Variants in CENPA observed in about 807,000 individuals in gnomAD.
CENPA encodes the protein centromere protein A, also known as histone H3-like centromeric protein A.
A neutral mutation model predicts 17.2 loss-of-function variants in CENPA; 7 were observed. That is an observed-to-expected ratio of 0.41 (90% CI 0.23 to 0.76). CENPA has a LOEUF of 0.76. CENPA is among the 30% of genes least tolerant of loss of function. CENPA has a pLI of 0.34. For missense variants in CENPA, 149 were observed against 193.1 expected, an observed-to-expected ratio of 0.77 and a Z score of 1.35; for synonymous variants, 82 against 77.4, an observed-to-expected ratio of 1.06 and a Z score of -0.31.
At position 26,786,185 on chromosome 2, in the gene CENPA, C is replaced by T. The variant is rs1558297633; in HGVS notation, c.-12C>T. ...CCGTGGGACCGGGCGCCAGCACCCT[C>T]TGCGGCGTGTCATGGGCCCGCGCCG... On this transcript the variant is annotated 5_prime_UTR_variant, in exon 1 of 5. Transcript: ENST00000335756. 6.9e-7 allele frequency: 1 copy of T among 1,444,420 alleles called. No homozygotes were observed. Among genetic ancestry groups the T allele is most frequent in the Non-Finnish European group, 9.0e-7 (1 of 1,105,446 alleles). The allele number at this position is 1,444,420 out of a possible 1,614,324, so 89.5% of individuals were successfully genotyped here.
At chr2:26,792,418 G>T in intron 2 of CENPA, 178 bp downstream of exon 2, 1 of 701,406 alleles carries the variant, frequency 1.4e-6, no homozygotes, top group Non-Finnish European at 2.6e-6. Context: ...ATTCTTTATG[G>T]AATTGATTTC....
intron 1 of CENPA, among the ~76,000 whole-genome samples, chr2:26,787,090 G>C (rs747755031): frequency 8.5e-5 from 13 of 152,252 alleles, no homozygotes; most frequent in Non-Finnish European, 1.8e-4. Context: ...GCTTTTTGTA[G>C]AGACTGGGTC....
intron 1 of CENPA, among the ~76,000 whole-genome samples, chr2:26,789,850 A>C (rs1664583648): frequency 6.6e-6 from 1 of 151,978 alleles, no homozygotes; most frequent in Admixed American, 6.6e-5. Flanking sequence ...AGAGCCTCCT[A>C]ATCAGCTGCC....
intron 1 of CENPA, among the ~76,000 whole-genome samples, chr2:26,789,855 G>A (rs573380740): frequency 2.6e-5 from 4 of 152,026 alleles, no homozygotes; most frequent in Non-Finnish European, 1.5e-5. Flanking sequence ...CTCCTAATCA[G>A]CTGCCACTCC....
intron 1 of CENPA, among the ~76,000 whole-genome samples, chr2:26,791,653 T>C (rs1413879480): frequency 6.6e-6 from 1 of 152,070 alleles, no homozygotes; most frequent in Non-Finnish European, 1.5e-5. Context: ...TCAGATTCTT[T>C]CCAGCTGTAA....
rs1664672968 is a variant in CENPA, at chr2:26,794,194, A to G, written c.*430A>G. The G allele has an allele frequency of 6.6e-6, 1 of 152,252 alleles. No individual in the cohort carries two copies. The highest frequency in any genetic ancestry group is 1.5e-5 in the Non-Finnish European group (1 of 68,042). 9.4% of individuals were successfully genotyped at this position (152,252 alleles called of 1,614,324 possible). Reference sequence around the variant, plus strand: ...ATATGTACATTTGTACTTTTATTTTACACATAAGGGAAAAAATAAGACCAC... The same window carrying G: ...ATATGTACATTTGTACTTTTATTTTGCACATAAGGGAAAAAATAAGACCAC... On this transcript the variant is annotated 3_prime_UTR_variant, in exon 5 of 5. Coordinates refer to ENST00000335756, the MANE Select transcript of CENPA (RefSeq NM_001809.4).
intron 4 of CENPA, 22 bp downstream of exon 4, chr2:26,793,348 G>C: frequency 6.4e-7 from 1 of 1,567,290 alleles, no homozygotes; most frequent in Non-Finnish European, 8.6e-7. Flanking sequence ...CTCTTTCACA[G>C]GACTGGGGCT....
chr2:26,794,500 A>G lies in CENPA; in HGVS notation c.*736A>G, dbSNP rs1664679240. On this transcript the variant is annotated 3_prime_UTR_variant, in exon 5 of 5. Coordinates refer to ENST00000335756, the MANE Select transcript of CENPA (RefSeq NM_001809.4). ...CATAGAAGATGTATCATAACAGTTC[A>G]GAATTTTAAAGTACATTTTCGATGC... 5 of 152,368 alleles carry G rather than the reference A, an allele frequency of 3.3e-5. No homozygotes were observed. In the South Asian group the frequency reaches 1.0e-3, roughly 32 times the overall value. 9.4% of individuals were successfully genotyped at this position (152,368 alleles called of 1,614,324 possible).
At chr2:26,789,931 A>G (rs1664584802) in intron 1 of CENPA, among the ~76,000 whole-genome samples, 1 of 152,126 alleles carries the variant, frequency 6.6e-6, no homozygotes, top group South Asian at 2.1e-4. Flanking sequence ...CCACATCTCT[A>G]TCCTGCATAA....
rs758437466 is a variant in CENPA at position 26,786,152 on chromosome 2, A to C, written c.-45A>C. 10 of 1,394,430 alleles carry C rather than the reference A, an allele frequency of 7.2e-6. No homozygotes were observed. The South Asian group carries it at 1.5e-4, about 21-fold the overall frequency. 86.4% of individuals were successfully genotyped at this position (1,394,430 alleles called of 1,614,324 possible). A position where few individuals can be genotyped will look rare whatever the true frequency, so the allele number is the denominator to read the frequency against. ...TTTCGCTCCCGGACCCGGCAGCCCG[A>C]GCAGGAGCCGTGGGACCGGGCGCCA... is the stretch of plus-strand genomic sequence containing the variant. On this transcript the variant is annotated 5_prime_UTR_variant, in exon 1 of 5. Coordinates refer to ENST00000335756, the MANE Select transcript of CENPA (RefSeq NM_001809.4).
At chr2:26,792,329 T>C (rs1664635485) in intron 2 of CENPA, 89 bp downstream of exon 2, 1 of 1,011,416 alleles carries the variant, frequency 9.9e-7, no homozygotes, top group African/African-American at 1.6e-5. Context: ...GTCTCTTAAC[T>C]AACTGGCCAA....
Position 26,792,796 on chromosome 2 carries a change from T to A in CENPA, c.251T>A (p.Phe84Tyr). The change falls in exon 3 of 5, where the codon TTC becomes TAC. Residue 84 changes from phenylalanine to tyrosine, a missense_variant. Physicochemically the swap from Phe to Tyr is conservative, Grantham distance 22. Transcript: ENST00000335756. ...GTTAAATTCACTCGTGGTGTGGACTTCAATTGGCAAGCCCAGGCCCTATTG... is the reference window on the plus strand; with the variant it reads ...GTTAAATTCACTCGTGGTGTGGACTACAATTGGCAAGCCCAGGCCCTATTG... ...ICVKFTRGVD[F>Y]NWQAQALLAL... 6.2e-7 allele frequency: 1 copy of A among 1,614,196 alleles called. No homozygotes were observed.
chr2:26,786,648 G>A (rs982856042), intron 1 of CENPA, among the ~76,000 whole-genome samples: 1 of 152,268 alleles, frequency 6.6e-6, no homozygotes, highest in Non-Finnish European at 1.5e-5. Context: ...GAAAGCCGAG[G>A]CACAGGCCAG....
rs1664505970 is a variant in CENPA at position 26,786,252 on chromosome 2, G to A, written c.56G>A (p.Ser19Asn). The A allele has an allele frequency of 1.5e-6, 2 of 1,375,830 alleles. No individual in the cohort carries two copies. The highest frequency in any genetic ancestry group is 1.5e-5 in the African/African-American group (1 of 65,486). 85.2% of individuals were successfully genotyped at this position (1,375,830 alleles called of 1,614,324 possible). A position where few individuals can be genotyped will look rare whatever the true frequency, so the allele number is the denominator to read the frequency against. The change falls in exon 1 of 5, where the codon AGC (serine) becomes AAC (asparagine). Residue 19 changes from serine (S) to asparagine (N), a missense_variant. Ser to Asn is a conservative substitution (Grantham distance 46, BLOSUM62 1). Coordinates refer to ENST00000335756, the MANE Select transcript of CENPA (RefSeq NM_001809.4). Reference sequence around the variant, plus strand: ...GAGGCCCCGAGGAGGCGCAGCCCGAGCCCGACCCCGACCCCCGGCCCCTCC... The same window carrying A: ...GAGGCCCCGAGGAGGCGCAGCCCGAACCCGACCCCGACCCCCGGCCCCTCC... ...KPEAPRRRSP[S>N]PTPTPGPSRR...
In CENPA at chr2:26,786,279, G is replaced by A. The variant is rs1664507061; in HGVS notation, c.83G>A (p.Arg28Gln). 2 of 1,341,064 alleles carry A rather than the reference G, an allele frequency of 1.5e-6. No individual in the cohort carries two copies. Among genetic ancestry groups the A allele is most frequent in the Non-Finnish European group, 1.9e-6 (2 of 1,051,312 alleles). 83.1% of individuals were successfully genotyped at this position (1,341,064 alleles called of 1,614,324 possible). The change falls in exon 1 of 5, where the codon CGG becomes CAG. Residue 28 changes from arginine (R) to glutamine (Q), a missense_variant. Coordinates refer to ENST00000335756, the MANE Select transcript of CENPA (RefSeq NM_001809.4). ...PSPTPTPGPS[R>Q]RGPSLGASSH... The stretch of plus-strand genomic sequence containing the variant: ...CCGACCCCGACCCCCGGCCCCTCCC[G>A]GCGGGGCCCCTCCTTAGGTAACCGG...
At chr2:26,787,581 C>T (rs1018695025) in intron 1 of CENPA, among the ~76,000 whole-genome samples, 2 of 150,958 alleles carry the variant, frequency 1.3e-5, no homozygotes, top group East Asian at 1.9e-4. Flanking sequence ...AGTGATGCCA[C>T]GAGGGTTCAC....
chr2:26,786,219 G>T lies in CENPA; in HGVS notation c.23G>T (p.Arg8Leu). ...GTCATGGGCCCGCGCCGCCGGAGCC[G>T]AAAGCCCGAGGCCCCGAGGAGGCGC... The part of the protein sequence containing the change: MGPRRRS[R>L]KPEAPRRRSP... Residue 8 changes from arginine to leucine, a missense_variant, in exon 1 of 5, where the codon CGA (arginine) becomes CTA (leucine). Around this residue, in one of 2 missense-constraint regions of CENPA, gnomAD observed 95 missense variants for 87.5 expected, o/e 1.09. Transcript: ENST00000335756. 5 of 1,439,536 alleles carry T rather than the reference G, an allele frequency of 3.5e-6. No homozygotes were observed. The highest frequency in any genetic ancestry group is 4.5e-6 in the Non-Finnish European group (5 of 1,102,788). The allele number at this position is 1,439,536 out of a possible 1,614,324, so 89.2% of individuals were successfully genotyped here.
chr2:26,788,607 T>G (rs1396384125), intron 1 of CENPA, among the ~76,000 whole-genome samples: 1 of 152,192 alleles, frequency 6.6e-6, no homozygotes, highest in Non-Finnish European at 1.5e-5. Context: ...TGTGCTTAGA[T>G]AAATCCAGAC....
At chr2:26,790,485 C>T (rs1024324729) in intron 1 of CENPA, among the ~76,000 whole-genome samples, 2 of 152,098 alleles carry the variant, frequency 1.3e-5, no homozygotes, top group Non-Finnish European at 2.9e-5. Flanking sequence ...TGCCACCATG[C>T]CCGGCTAATT....
Sources: gnomAD v4.1 joint callset for allele counts (sites outside exome capture counted in the v4.1 genomes callset) on GRCh38, gnomAD v4.1.1 for gene constraint, gnomAD v4.1.1 regional missense constraint, MANE v1.5 for transcripts, NCBI Gene and HGNC (gene_info 2026-07-23, HGNC 2026-07-21) for gene names.